The following SYT12 variants were observed in gnomAD, a reference collection of about 807,000 sequenced individuals.
SYT12 encodes synaptotagmin-12.
Under a neutral mutation model 39.5 loss-of-function variants are expected in SYT12, and 27 were observed. The observed-to-expected ratio is 0.68, with a 90% CI of 0.50 to 0.94. SYT12 has a LOEUF of 0.94. Among genes scored for constraint, SYT12 ranks in the 40% least tolerant of loss-of-function variants. SYT12 has a pLI of 0.00. For missense variants in SYT12, 536 were observed against 572.6 expected (o/e 0.94, Z 0.65); for synonymous variants, 233 against 239.7 (o/e 0.97, Z 0.26).
intron 3 of SYT12, among the ~76,000 whole-genome samples, chr11:67,015,647 G>A (rs2136195426): frequency 6.6e-6 from 1 of 152,342 alleles, no homozygotes; most frequent in Middle Eastern, 3.4e-3. Context: ...TTAGCAATAA[G>A]AGTTAGAAAC....
intron 2 of SYT12, chr11:67,031,294 C>T (rs1950262668): frequency 6.6e-6 from 1 of 152,450 alleles, no homozygotes; most frequent in Admixed American, 6.5e-5. Context: ...AGTGGCAGCG[C>T]TTTGCACACG....
At chr11:67,023,484 C>T (rs1403325671) in intron 1 of SYT12, 24 bp downstream of exon 1, 1 of 151,532 alleles carries the variant, frequency 6.6e-6, no homozygotes, top group African/African-American at 2.4e-5. Context: ...CCGCCGACCC[C>T]CGTGCGCGGC....
At chr11:67,036,207 G>C (rs915435160) in intron 3 of SYT12, among the ~76,000 whole-genome samples, 1 of 152,062 alleles carries the variant, frequency 6.6e-6, no homozygotes, top group African/African-American at 2.4e-5. Context: ...ATGCACTACC[G>C]TGCCAGGTCC....
At chr11:67,018,335 C>T (rs551343852), upstream of SYT12, among the ~76,000 whole-genome samples, 1 of 151,718 alleles carries the variant, frequency 6.6e-6, no homozygotes, top group East Asian at 1.9e-4. Flanking sequence ...GGTAGCCCTG[C>T]TCCACAAGGA....
chr11:67,028,524 C>G (rs1406016088), intron 1 of SYT12: 12 of 152,174 alleles, frequency 7.9e-5, no homozygotes, highest in Admixed American at 5.2e-4. Flanking sequence ...GCTGGATAAC[C>G]CTGACTGGAG....
intron 7 of SYT12, among the ~76,000 whole-genome samples, chr11:67,046,298 T>C (rs1854548445): frequency 1.3e-5 from 2 of 152,126 alleles, no homozygotes; most frequent in Non-Finnish European, 2.9e-5. Context: ...GTTCGCGTGG[T>C]CTTCAGAAGG....
chr11:67,017,785 C>A (rs1249671589), intron 3 of SYT12, among the ~76,000 whole-genome samples: 4 of 151,044 alleles, frequency 2.6e-5, no homozygotes, highest in Admixed American at 2.6e-4. Context: ...CATGGTGAAA[C>A]CCCGTCTCTA....
chr11:67,045,526 C>A, intron 6 of SYT12: 1 of 634,732 alleles, frequency 1.6e-6, no homozygotes, highest in Non-Finnish European at 2.6e-6. Context: ...GAGGCAGCTG[C>A]CTGAGCACAA....
intron 3 of SYT12, among the ~76,000 whole-genome samples, chr11:67,013,960 A>G (rs1254749278): frequency 6.6e-6 from 1 of 152,080 alleles, no homozygotes; most frequent in Admixed American, 6.6e-5. Context: ...GCTGCCAGCA[A>G]CCCTTGATAT....
chr11:67,035,366 G>A (rs778316493), intron 3 of SYT12, among the ~76,000 whole-genome samples: 2 of 149,916 alleles, frequency 1.3e-5, no homozygotes. Context: ...TCCTTGCAGA[G>A]CAGGGCTACC....
At position 67,050,364 on chromosome 11, in the gene SYT12, C is replaced by T. The variant is rs573336908; in HGVS notation, c.*1607C>T. ...GGCCACCCACAGGTGACAGCATGGA[C>T]CCTCAGGCTGGCTGCCCCTGTTCCT... On this transcript the variant is annotated 3_prime_UTR_variant, in exon 8 of 8. Coordinates refer to ENST00000527043, the MANE Select transcript of SYT12 (RefSeq NM_177963.4). The T allele has an allele frequency of 6.6e-6, 1 of 152,532 alleles. No homozygotes were observed. Among genetic ancestry groups the T allele is most frequent in the East Asian group, 1.9e-4 (1 of 5,176 alleles). The allele number at this position is 152,532 out of a possible 1,614,324, so 9.4% of individuals were successfully genotyped here.
At chr11:67,043,315 G>A (rs991566297) in intron 4 of SYT12, among the ~76,000 whole-genome samples, 1 of 152,210 alleles carries the variant, frequency 6.6e-6, no homozygotes, top group African/African-American at 2.4e-5. Context: ...GGCTAGACTC[G>A]AACAGATGCA....
intron 1 of SYT12, chr11:67,028,611 T>C (rs1950213999): frequency 6.6e-6 from 1 of 152,196 alleles, no homozygotes; most frequent in South Asian, 2.1e-4. Context: ...TGGAGGGCCT[T>C]AGCTTTACCC....
intron 3 of SYT12, among the ~76,000 whole-genome samples, chr11:67,017,358 CA>C (rs1950066445): frequency 7.0e-6 from 1 of 142,934 alleles, no homozygotes; most frequent in African/African-American, 2.5e-5. Flanking sequence ...CCCATTTCTA[CA>C]ATTTTTTTTT....
intron 3 of SYT12, among the ~76,000 whole-genome samples, chr11:67,014,437 A>T (rs1182785202): frequency 6.6e-6 from 1 of 152,216 alleles, no homozygotes; most frequent in African/African-American, 2.4e-5. Flanking sequence ...GGCGGGGAAC[A>T]GGCGAGGACC....
Position 67,012,511 on chromosome 11 carries a change from C to T in SYT12, c.-69+1517C>T, listed in dbSNP as rs959461711. Reference sequence around the variant, plus strand: ...ACACTGCCTTGTCACTTCTTGGCTACGAGTTGGCCTCTTCCATCAGATTAT... The same window carrying T: ...ACACTGCCTTGTCACTTCTTGGCTATGAGTTGGCCTCTTCCATCAGATTAT... On this transcript the variant is annotated intron_variant, in intron 3 of 10. Coordinates refer to the SYT12 transcript ENST00000393946. Among the ~76,000 whole-genome samples the T allele has an allele frequency of 5.3e-5, 8 of 152,190 alleles. No homozygotes were observed. In the East Asian group the frequency reaches 5.8e-4, roughly 11 times the overall value.
In SYT12 at chr11:67,039,852, A is replaced by T. The variant is rs767067583; in HGVS notation, c.270A>T (p.Gly90=). 1.2e-6 allele frequency: 2 copies of T among 1,612,752 alleles called. No homozygotes were observed. The highest frequency in any genetic ancestry group is 1.7e-5 in the Admixed American group (1 of 60,006). ...AWNAQRASTR[G]PPSRKGSLSI... ...ATGCCCAGCGGGCCAGCACGCGGGG[A>T]CCACCCAGCCGCAAAGGCAGTCTCA... Residue 90 remains glycine, a synonymous_variant, in exon 4 of 8, where the codon GGA becomes GGT. Transcript: ENST00000527043.
At chr11:67,039,779 G>C in intron 3 of SYT12, 32 bp from the exon 4 acceptor site, 1 of 1,574,832 alleles carries the variant, frequency 6.3e-7, no homozygotes, top group Non-Finnish European at 8.6e-7. Context: ...TGGCCCCCAT[G>C]ATGCTCCCAC....
At position 67,048,630 on chromosome 11, in the gene SYT12, G is replaced by A. The variant is rs141165304; in HGVS notation, c.1139G>A (p.Arg380His). Reference sequence around the variant, plus strand: ...GTGGCTGAGAGCAGCAGCGACGGCCGTGGGGACAACGTGGGCCATGTCATC... The same window carrying A: ...GTGGCTGAGAGCAGCAGCGACGGCCATGGGGACAACGTGGGCCATGTCATC... The part of the protein sequence containing the change: ...VTVAESSSDG[R>H]GDNVGHVIIG... Residue 380 changes from arginine to histidine, a missense_variant, in exon 8 of 8, where the codon CGT (arginine) becomes CAT (histidine). By Grantham distance (29) the Arg-to-His change is conservative (BLOSUM62 0). Coordinates refer to ENST00000527043, the MANE Select transcript of SYT12 (RefSeq NM_177963.4). 939 of 1,611,520 alleles carry A rather than the reference G, an allele frequency of 5.8e-4. 1 individual carries two copies. Among genetic ancestry groups the A allele is most frequent in the African/African-American group, 6.9e-4 (52 of 75,046 alleles).
Sources: gnomAD v4.1 joint callset for allele counts (sites outside exome capture counted in the v4.1 genomes callset) on GRCh38, gnomAD v4.1.1 for gene constraint, MANE v1.5 for transcripts, NCBI Gene and HGNC (gene_info 2026-07-23, HGNC 2026-07-21) for gene names.